CAMKMT: variants seen among roughly 807,000 people sequenced by gnomAD.
The protein encoded by CAMKMT is CaM KMT.
CAMKMT carries 53 observed loss-of-function variants against 48.0 expected under a neutral mutation model. The ratio of observed to expected loss-of-function variants is 1.10; its 90% CI spans 0.89 to 1.39. CAMKMT has a LOEUF of 1.39. Ranked by LOEUF, CAMKMT falls within the 40% of genes most tolerant of loss-of-function variation. The pLI is 0.00. For synonymous variants in CAMKMT, 165 were observed against 152.3 expected, an observed-to-expected ratio of 1.08 and a Z score of -0.61; for missense variants, 428 against 402.7, an observed-to-expected ratio of 1.06 and a Z score of -0.54.
intron 3 of CAMKMT, among the ~76,000 whole-genome samples, chr2:44,474,868 T>G (rs540513919): frequency 6.6e-6 from 1 of 152,336 alleles, no homozygotes; most frequent in South Asian, 2.1e-4. Context: ...AAATGTAAGC[T>G]CCTCATACTA....
intron 3 of CAMKMT, among the ~76,000 whole-genome samples, chr2:44,673,511 A>AAGGG (rs1675476236): frequency 8.7e-6 from 1 of 115,344 alleles, no homozygotes; most frequent in Non-Finnish European, 1.8e-5. Flanking sequence ...GGAAGGAAGG[A>AAGGG]AGGAAGGAAG....
intron 3 of CAMKMT, among the ~76,000 whole-genome samples, chr2:44,524,965 T>TA (rs200808019): frequency 0.023 from 2,306 of 98,192 alleles, 33 homozygotes; most frequent in African/African-American, 0.049. Flanking sequence ...GCAAATTTCA[T>TA]AAAAAAAAAA....
At chr2:44,677,116 TTATAAACAATTGTGACCTACA>T (rs1675742622) in intron 3 of CAMKMT, among the ~76,000 whole-genome samples, 1 of 152,220 alleles carries the variant, frequency 6.6e-6, no homozygotes, top group Non-Finnish European at 1.5e-5. Flanking sequence ...CAATATTGTT[TTATAAACAATTGTGACCTACA>T]AAATTTATTG....
At chr2:44,391,272 A>G (rs542414440) in intron 3 of CAMKMT, among the ~76,000 whole-genome samples, 1 of 152,342 alleles carries the variant, frequency 6.6e-6, no homozygotes, top group Non-Finnish European at 1.5e-5. Context: ...TTTGTGGTTC[A>G]CTAAGGAATC....
At chr2:44,769,166 C>T (rs1385473224) in intron 10 of CAMKMT, among the ~76,000 whole-genome samples, 3 of 151,786 alleles carry the variant, frequency 2.0e-5, no homozygotes, top group African/African-American at 7.3e-5. Flanking sequence ...GGCAACCACC[C>T]ATGAAGCTGA....
At chr2:44,544,856 A>C (rs1346237342) in intron 3 of CAMKMT, among the ~76,000 whole-genome samples, 1 of 152,256 alleles carries the variant, frequency 6.6e-6, no homozygotes, top group Non-Finnish European at 1.5e-5. Flanking sequence ...ATAAACTGTA[A>C]GTACATTTCC....
chr2:44,470,148 C>T (rs980008560), intron 3 of CAMKMT, among the ~76,000 whole-genome samples: 32 of 151,734 alleles, frequency 2.1e-4, no homozygotes, highest in Non-Finnish European at 4.7e-4. Context: ...AGTAGTTATT[C>T]TAAATATTTA....
intron 2 of CAMKMT, among the ~76,000 whole-genome samples, chr2:44,381,441 A>G (rs1680233265): frequency 6.6e-6 from 1 of 152,202 alleles, no homozygotes; most frequent in African/African-American, 2.4e-5. Context: ...ATTCTTATTA[A>G]AATTAGGCCA....
intron 3 of CAMKMT, among the ~76,000 whole-genome samples, chr2:44,668,970 G>A (rs1385372322): frequency 6.6e-6 from 1 of 151,646 alleles, no homozygotes; most frequent in Non-Finnish European, 1.5e-5. Context: ...TTTAGTAGAG[G>A]CAGGGTTTCA....
At chr2:44,754,442 A>G (rs974640238) in intron 9 of CAMKMT, among the ~76,000 whole-genome samples, 1 of 152,228 alleles carries the variant, frequency 6.6e-6, no homozygotes, top group Admixed American at 6.5e-5. Context: ...AAGTTGAAGT[A>G]TGATATTGAA....
At chr2:44,619,463 G>GTATATA (rs5830799) in intron 3 of CAMKMT, among the ~76,000 whole-genome samples, 68 of 150,008 alleles carry the variant, frequency 4.5e-4, no homozygotes, top group African/African-American at 1.1e-3. Context: ...GATTATGTGT[G>GTATATA]TATATATATA....
At chr2:44,598,262 C>A (rs914385800) in intron 3 of CAMKMT, among the ~76,000 whole-genome samples, 2 of 151,932 alleles carry the variant, frequency 1.3e-5, no homozygotes, top group Non-Finnish European at 2.9e-5. Context: ...CTTGCAAGTT[C>A]ATGGACCCCC....
intron 3 of CAMKMT, among the ~76,000 whole-genome samples, chr2:44,527,782 A>G (rs1666235476): frequency 1.2e-5 from 1 of 86,828 alleles, no homozygotes; most frequent in Admixed American, 1.4e-4. Context: ...CCACATGTGT[A>G]CAGCCCCCCC....
At chr2:44,539,971 C>T (rs1228012868) in intron 3 of CAMKMT, among the ~76,000 whole-genome samples, 1 of 152,044 alleles carries the variant, frequency 6.6e-6, no homozygotes, top group Non-Finnish European at 1.5e-5. Context: ...AATCATGAGG[C>T]GATACTTTGA....
intron 3 of CAMKMT, among the ~76,000 whole-genome samples, chr2:44,645,137 T>G (rs1398084719): frequency 1.3e-5 from 2 of 152,164 alleles, no homozygotes; most frequent in African/African-American, 2.4e-5. Flanking sequence ...TGGGAGAAAC[T>G]AGAAGGCTGG....
At chr2:44,596,318 A>T (rs940644865) in intron 3 of CAMKMT, among the ~76,000 whole-genome samples, 1 of 151,878 alleles carries the variant, frequency 6.6e-6, no homozygotes. Flanking sequence ...GCGTGGTGGT[A>T]TGTGCCTGTA....
intron 3 of CAMKMT, among the ~76,000 whole-genome samples, chr2:44,623,064 A>G (rs1180531548): frequency 1.3e-5 from 2 of 152,042 alleles, no homozygotes; most frequent in Admixed American, 1.3e-4. Flanking sequence ...GGTGATTTGC[A>G]TTTCTCTGAT....
At chr2:44,668,184 C>T (rs559064823) in intron 3 of CAMKMT, among the ~76,000 whole-genome samples, 1 of 152,288 alleles carries the variant, frequency 6.6e-6, no homozygotes, top group Non-Finnish European at 1.5e-5. Flanking sequence ...GCTGATCTTG[C>T]ATTGAGGAAA....
intron 3 of CAMKMT, among the ~76,000 whole-genome samples, chr2:44,574,271 G>A (rs982223534): frequency 1.3e-5 from 2 of 152,160 alleles, no homozygotes; most frequent in African/African-American, 4.8e-5. Flanking sequence ...CCTTTATTGG[G>A]GTTTTCACAG....
Sources: gnomAD v4.1 joint callset for allele counts (sites outside exome capture counted in the v4.1 genomes callset) on GRCh38, gnomAD v4.1.1 for gene constraint, MANE v1.5 for transcripts, NCBI Gene and HGNC (gene_info 2026-07-23, HGNC 2026-07-21) for gene names.